Variants in GALNTL6 observed in about 807,000 individuals in gnomAD.
GALNTL6 encodes the protein polypeptide N-acetylgalactosaminyltransferase-like 6.
A neutral mutation model predicts 73.7 loss-of-function variants in GALNTL6; 46 were observed. The observed-to-expected ratio is 0.62, with a 90% confidence interval of 0.49 to 0.80. The LOEUF (loss-of-function observed/expected upper bound fraction) is 0.80. GALNTL6 is among the 30% of genes least tolerant of loss of function. GALNTL6 has a pLI of 0.00. For synonymous variants in GALNTL6, 259 were observed against 263.7 expected (o/e 0.98, Z 0.17); for missense variants, 604 against 755.0 (o/e 0.80, Z 2.34).
At chr4:172,152,887 G>C (rs1734143234) in intron 2 of GALNTL6, among the ~76,000 whole-genome samples, 1 of 152,194 alleles carries the variant, frequency 6.6e-6, no homozygotes, top group African/African-American at 2.4e-5. Flanking sequence ...TGGGATTACA[G>C]GCGTGAGCCA....
chr4:171,937,445 C>T (rs1326861040), intron 2 of GALNTL6, among the ~76,000 whole-genome samples: 1 of 152,050 alleles, frequency 6.6e-6, no homozygotes, highest in Admixed American at 6.6e-5. Flanking sequence ...GAAAAGTATA[C>T]ATCTTTGACT....
intron 10 of GALNTL6, among the ~76,000 whole-genome samples, chr4:172,990,758 G>A (rs1478565413): frequency 6.6e-6 from 1 of 152,100 alleles, no homozygotes; most frequent in Non-Finnish European, 1.5e-5. Flanking sequence ...AGGAAATCTG[G>A]TCATATCTGT....
At chr4:172,294,325 A>G (rs1578920435) in intron 3 of GALNTL6, among the ~76,000 whole-genome samples, 1 of 152,142 alleles carries the variant, frequency 6.6e-6, no homozygotes. Flanking sequence ...GACATTTAAA[A>G]TACTTCACTC....
chr4:171,949,028 A>G (rs1180649199), intron 2 of GALNTL6, among the ~76,000 whole-genome samples: 1 of 151,998 alleles, frequency 6.6e-6, no homozygotes, highest in Non-Finnish European at 1.5e-5. Flanking sequence ...GACAATAAAA[A>G]AAGTATTCAG....
At chr4:172,800,533 C>T (rs1209104341) in intron 5 of GALNTL6, among the ~76,000 whole-genome samples, 1 of 152,114 alleles carries the variant, frequency 6.6e-6, no homozygotes, top group African/African-American at 2.4e-5. Context: ...GAACCACCAA[C>T]TTTGTGTAAT....
intron 5 of GALNTL6, among the ~76,000 whole-genome samples, chr4:172,678,794 G>A (rs896206964): frequency 2.6e-5 from 4 of 152,118 alleles, no homozygotes; most frequent in Admixed American, 2.0e-4. Flanking sequence ...TAATTTCTGA[G>A]GAGTGTCTAG....
At chr4:172,593,724 GT>G (rs1015293159) in intron 5 of GALNTL6, among the ~76,000 whole-genome samples, 2 of 150,822 alleles carry the variant, frequency 1.3e-5, no homozygotes, top group South Asian at 2.1e-4. Flanking sequence ...GTTTTTGTTT[GT>G]TTTTTGTTTG....
chr4:172,286,025 A>G (rs1002672117), intron 3 of GALNTL6, among the ~76,000 whole-genome samples: 95 of 152,352 alleles, frequency 6.2e-4, no homozygotes, highest in African/African-American at 2.1e-3. Flanking sequence ...ATGTGATGCC[A>G]TGAGTCGAAA....
intron 5 of GALNTL6, among the ~76,000 whole-genome samples, chr4:172,482,945 T>G (rs1240454969): frequency 6.6e-6 from 1 of 152,166 alleles, no homozygotes; most frequent in African/African-American, 2.4e-5. Flanking sequence ...TATTACAAAT[T>G]TTTCTGCTTT....
chr4:172,394,962 A>G (rs879540625), intron 5 of GALNTL6, among the ~76,000 whole-genome samples: 2 of 152,198 alleles, frequency 1.3e-5, no homozygotes, highest in African/African-American at 2.4e-5. Context: ...TGTTTCAGAT[A>G]TCTTCTGTTA....
intron 2 of GALNTL6, among the ~76,000 whole-genome samples, chr4:172,118,500 G>T (rs1733048644): frequency 6.6e-6 from 1 of 152,036 alleles, no homozygotes; most frequent in African/African-American, 2.4e-5. Flanking sequence ...AGGAGTTCAA[G>T]ACAAGCCTTA....
rs1415470573 is a variant in GALNTL6, at chr4:172,674,515, G to T, written c.554-134846G>T. 3.3e-5 allele frequency among the ~76,000 whole-genome samples: 5 copies of T among 152,104 alleles called. No homozygotes were observed. In the East Asian group the frequency reaches 9.6e-4, roughly 29 times the overall value. On this transcript the variant is annotated intron_variant, in intron 5 of 12. Coordinates refer to ENST00000506823, the MANE Select transcript of GALNTL6 (RefSeq NM_001034845.3). ...TTGAATTTGAATATTGGCCTGTCTTGCTAGGTTGAGGAACTTACCATGAAT... is the reference window on the plus strand; with the variant it reads ...TTGAATTTGAATATTGGCCTGTCTTTCTAGGTTGAGGAACTTACCATGAAT...
intron 5 of GALNTL6, among the ~76,000 whole-genome samples, chr4:172,461,591 A>G (rs912494810): frequency 6.6e-6 from 1 of 152,208 alleles, no homozygotes; most frequent in Non-Finnish European, 1.5e-5. Context: ...AAAAAGGATA[A>G]ATATCCCTTC....
intron 10 of GALNTL6, among the ~76,000 whole-genome samples, chr4:172,993,525 G>C (rs904485666): frequency 6.6e-5 from 10 of 152,216 alleles, no homozygotes; most frequent in African/African-American, 2.4e-4. Context: ...TTACATTACA[G>C]ACCACTGCAA....
At chr4:172,060,237 C>A (rs1731154691) in intron 2 of GALNTL6, among the ~76,000 whole-genome samples, 1 of 152,054 alleles carries the variant, frequency 6.6e-6, no homozygotes, top group Admixed American at 6.6e-5. Flanking sequence ...AAAAGCAATT[C>A]TATAAGGGCA....
At chr4:172,495,376 C>T (rs1579128080) in intron 5 of GALNTL6, among the ~76,000 whole-genome samples, 1 of 152,154 alleles carries the variant, frequency 6.6e-6, no homozygotes, top group African/African-American at 2.4e-5. Flanking sequence ...ACTGCTGAAG[C>T]GAGGAGGCTT....
chr4:172,674,668 C>T (rs1437556105), intron 5 of GALNTL6, among the ~76,000 whole-genome samples: 1 of 152,050 alleles, frequency 6.6e-6, no homozygotes, highest in African/African-American at 2.4e-5. Context: ...ATTCCTTTTC[C>T]TTTTTTCCTC....
chr4:172,916,587 T>G (rs1220086858), intron 8 of GALNTL6, among the ~76,000 whole-genome samples: 1 of 152,154 alleles, frequency 6.6e-6, no homozygotes, highest in African/African-American at 2.4e-5. Flanking sequence ...ATCACAAGCA[T>G]TCCTATACAC....
chr4:172,326,892 C>G (rs1249927717), intron 4 of GALNTL6, among the ~76,000 whole-genome samples: 1 of 151,732 alleles, frequency 6.6e-6, no homozygotes, highest in Non-Finnish European at 1.5e-5. Flanking sequence ...TTATATTGAT[C>G]TATCTTTAAA....
Sources: allele counts gnomAD v4.1 joint callset (sites outside exome capture counted in the v4.1 genomes callset), GRCh38; gene constraint gnomAD v4.1.1; transcripts MANE v1.5; gene names NCBI Gene and HGNC (gene_info 2026-07-23, HGNC 2026-07-21).